Variants in CEP126 observed in about 807,000 individuals in gnomAD.
CEP126 encodes centrosomal protein of 126 kDa.
CEP126 carries 74 observed loss-of-function variants against 107.8 expected under a neutral mutation model. The observed-to-expected ratio is 0.69, with a 90% confidence interval of 0.57 to 0.83. The LOEUF is 0.83. Ranked by LOEUF, CEP126 falls within the 40% of genes least tolerant of loss-of-function variation. The probability of loss-of-function intolerance (pLI) is 0.00; values close to 1 mark genes in which losing one functional copy is unlikely to be tolerated. For missense variants in CEP126, 1,237 were observed against 1,281.9 expected (o/e 0.96, Z 0.53); for synonymous variants, 449 against 446.0 (o/e 1.01, Z -0.08).
intron 2 of CEP126, among the ~76,000 whole-genome samples, chr11:101,924,690 A>G (rs1250459001): frequency 6.7e-6 from 1 of 148,438 alleles, no homozygotes; most frequent in Non-Finnish European, 1.5e-5. Flanking sequence ...CTGGTCTTGA[A>G]CTCCTGACCT....
chr11:101,998,694 A>G lies in CEP126; in HGVS notation c.*1051A>G, dbSNP rs1017317268. The G allele has an allele frequency of 2.6e-4, 40 of 151,112 alleles. No individual in the cohort carries two copies. The highest frequency in any genetic ancestry group is 9.2e-4 in the African/African-American group (38 of 41,112). 9.4% of individuals were successfully genotyped at this position (151,112 alleles called of 1,614,324 possible). The stretch of plus-strand genomic sequence containing the variant: ...AACACTACTAAATTTTGGTTCCTCC[A>G]TAGAATTAGTTTTGAAACACTTGAT... On this transcript the variant is annotated 3_prime_UTR_variant, in exon 11 of 11. Transcript: ENST00000263468.
chr11:101,931,697 C>T (rs1190465985), intron 2 of CEP126, among the ~76,000 whole-genome samples: 9 of 152,072 alleles, frequency 5.9e-5, no homozygotes, highest in Non-Finnish European at 1.0e-4. Flanking sequence ...TCTGAAATGT[C>T]GTTCCGTCCA....
chr11:101,982,961 C>G (rs1254023680), intron 8 of CEP126, among the ~76,000 whole-genome samples: 1 of 152,166 alleles, frequency 6.6e-6, no homozygotes, highest in African/African-American at 2.4e-5. Context: ...CCCTCTTCAG[C>G]TGCACTATAT....
At chr11:101,981,484 A>G (rs995506151) in intron 7 of CEP126, among the ~76,000 whole-genome samples, 2 of 151,998 alleles carry the variant, frequency 1.3e-5, no homozygotes, top group East Asian at 1.9e-4. Flanking sequence ...TAGTAGAGAC[A>G]GGGCTTCACC....
Position 101,978,352 on chromosome 11 carries a change from A to C in CEP126, c.2851A>C (p.Thr951Pro). The C allele has an allele frequency of 1.2e-6, 2 of 1,608,116 alleles. No homozygotes were observed. Among genetic ancestry groups the C allele is most frequent in the Non-Finnish European group, 1.7e-6 (2 of 1,174,802 alleles). Residue 951 changes from threonine to proline, a missense_variant, in exon 7 of 11, where the codon ACT becomes CCT. Transcript: ENST00000263468. Reference sequence around the variant, plus strand: ...TGTGCTGGCATTTGTTTAAGGGTCTACTGTTATGAGAAGAAAACGAATTGC... The same window carrying C: ...TGTGCTGGCATTTGTTTAAGGGTCTCCTGTTATGAGAAGAAAACGAATTGC... ...LHQNKRATGS[T>P]VMRRKRIAET... is the part of the protein sequence containing the mutation.
At chr11:101,924,616 C>T (rs1467253808) in intron 2 of CEP126, among the ~76,000 whole-genome samples, 2 of 152,162 alleles carry the variant, frequency 1.3e-5, no homozygotes, top group Non-Finnish European at 2.9e-5. Context: ...CAGGCACGCA[C>T]CCCCGTGCCC....
intron 1 of CEP126, among the ~76,000 whole-genome samples, chr11:101,920,803 A>G (rs535233780): frequency 6.6e-6 from 1 of 152,100 alleles, no homozygotes; most frequent in East Asian, 1.9e-4. Context: ...CCGGGGTTTC[A>G]CCATATTGCC....
Position 101,915,431 on chromosome 11 carries a change from G to A in CEP126, c.128+19G>A, listed in dbSNP as rs776043497. 1 of 1,596,068 alleles carries A rather than the reference G, an allele frequency of 6.3e-7. No individual in the cohort carries two copies. Among genetic ancestry groups the A allele is most frequent in the South Asian group, 1.1e-5 (1 of 90,258 alleles). ...CTTACCTGTATCCTTCCCAGCCTGTGGCTGCCAGGGTAGCGATGTTGAAAA... is the reference window on the plus strand; with the variant it reads ...CTTACCTGTATCCTTCCCAGCCTGTAGCTGCCAGGGTAGCGATGTTGAAAA... On this transcript the variant is annotated intron_variant, in intron 1 of 10. Transcript: ENST00000263468.
At chr11:101,981,566 T>TA (rs1941254449) in intron 7 of CEP126, among the ~76,000 whole-genome samples, 1 of 152,192 alleles carries the variant, frequency 6.6e-6, no homozygotes, top group South Asian at 2.1e-4. Context: ...GTGTTGGGAT[T>TA]ACAAGCATGA....
At chr11:101,928,299 C>T (rs1053485027) in intron 2 of CEP126, among the ~76,000 whole-genome samples, 2 of 152,096 alleles carry the variant, frequency 1.3e-5, no homozygotes, top group Non-Finnish European at 2.9e-5. Context: ...AACATTTTCT[C>T]CTACCTTGGA....
chr11:101,916,246 C>G (rs1324487334), intron 1 of CEP126: 1 of 152,174 alleles, frequency 6.6e-6, no homozygotes, highest in Non-Finnish European at 1.5e-5. Context: ...TTCTTATCCC[C>G]TTTGTCTCCA....
At chr11:101,917,028 A>ATTGTGTGTG (rs140184758) in intron 1 of CEP126, among the ~76,000 whole-genome samples, 3 of 135,966 alleles carry the variant, frequency 2.2e-5, no homozygotes, top group African/African-American at 8.2e-5. Flanking sequence ...AAATCCAACA[A>ATTGTGTGTG]TGTGTGTGTG....
chr11:101,975,699 G>A, intron 6 of CEP126, among the ~76,000 whole-genome samples: 1 of 152,190 alleles, frequency 6.6e-6, no homozygotes, highest in East Asian at 1.9e-4. Context: ...AGTAAGCATA[G>A]TACCTGGTAG....
intron 9 of CEP126, among the ~76,000 whole-genome samples, chr11:101,991,667 C>G (rs1377265427): frequency 6.6e-6 from 1 of 152,086 alleles, no homozygotes; most frequent in African/African-American, 2.4e-5. Flanking sequence ...TCATTAGACT[C>G]AAGACACCAC....
At position 101,997,616 on chromosome 11, in the gene CEP126, A is replaced by G. The variant is rs1461500012; in HGVS notation, c.3327A>G (p.Arg1109=). Residue 1109 remains arginine, a synonymous_variant, in exon 11 of 11, where the codon AGA becomes AGG. Coordinates refer to ENST00000263468, the MANE Select transcript of CEP126 (RefSeq NM_020802.4). ...ATTTCCAGGAGAAGAGAGAAGATAG[A>G]ACCAGCAGCTGCAGAGACAAGAGAT... The part of the protein sequence containing the change: ...IIPLLEKRED[R]TSSCRDKR 6.2e-7 allele frequency: 1 copy of G among 1,613,936 alleles called. No homozygotes were observed. Among genetic ancestry groups the G allele is most frequent in the Admixed American group, 1.7e-5 (1 of 59,996 alleles).
intron 4 of CEP126, among the ~76,000 whole-genome samples, chr11:101,949,605 G>C (rs1293726648): frequency 6.6e-6 from 1 of 152,162 alleles, no homozygotes; most frequent in East Asian, 1.9e-4. Context: ...GGAGAGGTCA[G>C]TATCATGAAA....
intron 7 of CEP126, among the ~76,000 whole-genome samples, chr11:101,981,685 A>G (rs1400229502): frequency 6.6e-6 from 1 of 152,150 alleles, no homozygotes; most frequent in Admixed American, 6.6e-5. Flanking sequence ...TGGACATAAA[A>G]CATTTTTCAT....
chr11:101,932,127 A>G (rs879311407), intron 2 of CEP126, among the ~76,000 whole-genome samples: 12 of 152,230 alleles, frequency 7.9e-5, no homozygotes, highest in Non-Finnish European at 1.6e-4. Flanking sequence ...TCTCATTTTT[A>G]TTGCCATTTC....
intron 4 of CEP126, chr11:101,956,173 C>A (rs1360501429): frequency 4.4e-6 from 2 of 456,386 alleles, no homozygotes; most frequent in East Asian, 6.9e-5. Flanking sequence ...AGTTATTTTA[C>A]AAAACTTTCA....
Sources: gnomAD v4.1 joint callset for allele counts (sites outside exome capture counted in the v4.1 genomes callset) on GRCh38, gnomAD v4.1.1 for gene constraint, MANE v1.5 for transcripts, NCBI Gene and HGNC (gene_info 2026-07-23, HGNC 2026-07-21) for gene names.